FRY: variants seen among roughly 807,000 people sequenced by gnomAD.
FRY encodes the protein protein furry homolog.
A neutral mutation model predicts 348.4 loss-of-function variants in FRY; 128 were observed. The observed-to-expected ratio is 0.37, with a 90% CI of 0.32 to 0.43. The LOEUF is 0.43. FRY is among the 20% of genes least tolerant of loss of function. FRY has a pLI of 1.00. For missense variants in FRY, 2,736 were observed against 3,695.2 expected (o/e 0.74, Z 6.73); for synonymous variants, 1,370 against 1,374.7 (o/e 1.00, Z 0.08).
chr13:32,274,584 G>A (rs979611876), intron 55 of FRY, among the ~76,000 whole-genome samples: 24 of 151,072 alleles, frequency 1.6e-4, no homozygotes, highest in Admixed American at 7.9e-4. Flanking sequence ...GGCACCTGTA[G>A]TCCCAGCTAC....
intron 36 of FRY, among the ~76,000 whole-genome samples, chr13:32,221,640 G>A (rs1482144305): frequency 6.6e-6 from 1 of 152,176 alleles, no homozygotes; most frequent in Non-Finnish European, 1.5e-5. Flanking sequence ...AGCCACCCTA[G>A]TAGCTAGGAC....
chr13:32,143,803 A>G (rs1880229665), intron 11 of FRY, among the ~76,000 whole-genome samples: 1 of 152,210 alleles, frequency 6.6e-6, no homozygotes, highest in Non-Finnish European at 1.5e-5. Context: ...CTTCTACATA[A>G]TAATACTACA....
chr13:32,036,166 A>G (rs1195051846), intron 1 of FRY, among the ~76,000 whole-genome samples: 2 of 152,234 alleles, frequency 1.3e-5, no homozygotes, highest in Non-Finnish European at 2.9e-5. Flanking sequence ...TAACCTCTGT[A>G]TAGACTTGGT....
At chr13:32,038,851 T>G (rs950200743) in intron 1 of FRY, among the ~76,000 whole-genome samples, 10 of 152,182 alleles carry the variant, frequency 6.6e-5, no homozygotes, top group African/African-American at 2.4e-4. Context: ...CAAGCACTAT[T>G]TAATACCTGT....
At chr13:32,235,585 T>C (rs1204566272) in intron 42 of FRY, among the ~76,000 whole-genome samples, 1 of 152,182 alleles carries the variant, frequency 6.6e-6, no homozygotes, top group African/African-American at 2.4e-5. Context: ...ATCGTGCCAT[T>C]GTACTCAAGC....
chr13:32,102,011 G>C lies in FRY; in HGVS notation c.319G>C (p.Asp107His). 2.0e-6 allele frequency: 3 copies of C among 1,531,788 alleles called. No individual in the cohort carries two copies. Among genetic ancestry groups the C allele is most frequent in the Non-Finnish European group, 2.7e-6 (3 of 1,104,964 alleles). 94.9% of individuals were successfully genotyped at this position (1,531,788 alleles called of 1,614,324 possible). Reference sequence around the variant, plus strand: ...GCAACGTGGAGAAGACCCCCAATTTGATCAGGTATGTGATATATATGTTAT... The same window carrying C: ...GCAACGTGGAGAAGACCCCCAATTTCATCAGGTATGTGATATATATGTTAT... ...SLQRGEDPQF[D>H]QVISSMSSLS... The change falls in exon 3 of 61, where the codon GAT (aspartate) becomes CAT (histidine). Residue 107 changes from aspartate to histidine, a missense_variant. Asp to His is a moderately conservative substitution (Grantham distance 81). Around this residue, in one of 9 missense-constraint regions of FRY, gnomAD observed 309 missense variants for 418.1 expected, o/e 0.74. Coordinates refer to ENST00000542859, the MANE Select transcript of FRY (RefSeq NM_023037.3).
intron 11 of FRY, among the ~76,000 whole-genome samples, chr13:32,141,986 G>T (rs1433793736): frequency 1.3e-5 from 2 of 152,048 alleles, no homozygotes; most frequent in Non-Finnish European, 2.9e-5. Flanking sequence ...AATTAAGGGA[G>T]ATGCAGATTC....
At chr13:32,032,540 C>G (rs574404441) in intron 1 of FRY, among the ~76,000 whole-genome samples, 6 of 152,080 alleles carry the variant, frequency 3.9e-5, no homozygotes, top group African/African-American at 1.2e-4. Flanking sequence ...AGGTTCTGAC[C>G]CTAATTATTT....
At position 32,209,593 on chromosome 13, in the gene FRY, T is replaced by G. The variant is rs759977618; in HGVS notation, c.4284T>G (p.Asp1428Glu). 1.5e-5 allele frequency: 25 copies of G among 1,614,092 alleles called. No homozygotes were observed. The highest frequency in any genetic ancestry group is 2.1e-5 in the Non-Finnish European group (25 of 1,179,986). ...NLMYMTAKYG[D>E]EVPGPEMENA... is the part of the protein sequence containing the mutation. ...TTTTTATTTTGTTATAGTATGGAGA[T>G]GAAGTTCCTGGGCCAGAAATGGAAA... is the stretch of plus-strand genomic sequence containing the variant. Residue 1428 changes from aspartate to glutamate, a missense_variant, in exon 33 of 61, where the codon GAT becomes GAG. Asp to Glu is a conservative substitution (Grantham distance 45). Transcript: ENST00000542859.
chr13:32,150,318 A>G (rs1880716387), intron 14 of FRY, among the ~76,000 whole-genome samples: 1 of 152,248 alleles, frequency 6.6e-6, no homozygotes, highest in African/African-American at 2.4e-5. Context: ...AGATGAGTAT[A>G]CAGTGGGCAT....
intron 60 of FRY, among the ~76,000 whole-genome samples, chr13:32,294,863 C>T (rs1284638831): frequency 1.3e-5 from 2 of 151,860 alleles, no homozygotes; most frequent in Non-Finnish European, 2.9e-5. Flanking sequence ...TTGGTTTTGC[C>T]CCTACATTCT....
At chr13:32,291,108 C>T (rs2138651999) in intron 59 of FRY, among the ~76,000 whole-genome samples, 1 of 152,100 alleles carries the variant, frequency 6.6e-6, no homozygotes, top group East Asian at 1.9e-4. Flanking sequence ...GTCGATTAAA[C>T]CATGCCAGTG....
At chr13:32,242,339 C>T (rs915780382) in intron 46 of FRY, among the ~76,000 whole-genome samples, 1 of 152,090 alleles carries the variant, frequency 6.6e-6, no homozygotes, top group African/African-American at 2.4e-5. Flanking sequence ...AAAGATCCCC[C>T]CATTTGTAAT....
chr13:32,152,483 T>C (rs1189383384), intron 14 of FRY, among the ~76,000 whole-genome samples: 1 of 152,118 alleles, frequency 6.6e-6, no homozygotes, highest in Non-Finnish European at 1.5e-5. Flanking sequence ...CTAACACATA[T>C]AGGGTCAATT....
rs767503580 is a variant in FRY at position 32,202,221 on chromosome 13, GT to G, written c.3847-131del. 1.2e-3 allele frequency: 1,039 copies of G among 834,326 alleles called. 2 individuals are homozygous for G. Among genetic ancestry groups the G allele is most frequent in the Middle Eastern group, 3.5e-3 (13 of 3,666 alleles). The allele number at this position is 834,326 out of a possible 1,614,324, so 51.7% of individuals were successfully genotyped here. On this transcript the variant is annotated intron_variant, in intron 30 of 60. Coordinates refer to ENST00000542859, the MANE Select transcript of FRY (RefSeq NM_023037.3). ...TTGTAAACATACTAATTAAACTGATGTTTTACCTTTAATTCTATTTTTAAAT... is the reference window on the plus strand; with the variant it reads ...TTGTAAACATACTAATTAAACTGATGTTTACCTTTAATTCTATTTTTAAAT...
At chr13:32,034,340 C>T (rs962638956) in intron 1 of FRY, among the ~76,000 whole-genome samples, 2 of 152,138 alleles carry the variant, frequency 1.3e-5, no homozygotes, top group Non-Finnish European at 2.9e-5. Context: ...AAAGAATTCA[C>T]AGGCCAATAA....
intron 55 of FRY, among the ~76,000 whole-genome samples, chr13:32,272,717 TTTTG>T (rs1372434124): frequency 3.9e-5 from 6 of 152,058 alleles, no homozygotes; most frequent in African/African-American, 1.4e-4. Context: ...AAAAGTGTTT[TTTTG>T]TTTGTTTGTT....
chr13:32,173,389 A>G lies in FRY; in HGVS notation c.2174A>G (p.His725Arg), dbSNP rs755606638. Reference sequence around the variant, plus strand: ...CAGCTCATCGCAAATGGCTCCAGTCACAGAATTCAGTCGGAACGAGGTCCC... The same window carrying G: ...CAGCTCATCGCAAATGGCTCCAGTCGCAGAATTCAGTCGGAACGAGGTCCC... ...NSELIANGSS[H>R]RIQSERGPHC... Residue 725 changes from histidine (H) to arginine (R), a missense_variant, in exon 19 of 61, where the codon CAC becomes CGC. By Grantham distance (29) the His-to-Arg change is conservative. This residue lies in a region of FRY where 449 missense variants were observed against 576.9 expected (regional missense o/e 0.78). Transcript: ENST00000542859. 1.2e-6 allele frequency: 2 copies of G among 1,612,088 alleles called. No homozygotes were observed. The highest frequency in any genetic ancestry group is 2.2e-5 in the South Asian group (2 of 91,002).
chr13:32,060,672 G>C (rs1458349108), intron 1 of FRY, among the ~76,000 whole-genome samples: 1 of 152,118 alleles, frequency 6.6e-6, no homozygotes, highest in East Asian at 1.9e-4. Flanking sequence ...TTAGATCCAG[G>C]GGGCAGCGTG....
Sources: gnomAD v4.1 joint callset for allele counts (sites outside exome capture counted in the v4.1 genomes callset) on GRCh38, gnomAD v4.1.1 for gene constraint, gnomAD v4.1.1 regional missense constraint, MANE v1.5 for transcripts, NCBI Gene and HGNC (gene_info 2026-07-23, HGNC 2026-07-21) for gene names.